The following SOHLH1 variants were observed in gnomAD, a reference collection of about 807,000 sequenced individuals.
SOHLH1 encodes the protein spermatogenesis and oogenesis specific basic helix-loop-helix 1, also known as spermatogenesis- and oogenesis-specific basic helix-loop-helix-containing protein 1.
In SOHLH1, 23 loss-of-function variants were observed where a neutral mutation model predicts 36.2. The ratio of observed to expected loss-of-function variants is 0.64; its 90% CI spans 0.46 to 0.90. The LOEUF is 0.90. Ranked by LOEUF, SOHLH1 falls within the 40% of genes least tolerant of loss-of-function variation. SOHLH1 has a pLI of 0.00. For missense variants in SOHLH1, 608 were observed against 517.0 expected (o/e 1.18, Z -1.71); for synonymous variants, 289 against 228.3 (o/e 1.27, Z -2.40).
intron 2 of SOHLH1, among the ~76,000 whole-genome samples, 168 bp downstream of exon 2, chr9:135,698,827 C>T (rs575054025): frequency 1.3e-5 from 2 of 152,330 alleles, no homozygotes; most frequent in East Asian, 3.9e-4. Flanking sequence ...CAGGATGTTC[C>T]CCAACAGGGC....
At chr9:135,694,279 C>T (rs948139452) in intron 7 of SOHLH1, 108 bp downstream of exon 7, 4 of 1,579,030 alleles carry the variant, frequency 2.5e-6, no homozygotes, top group Non-Finnish European at 1.7e-6. Flanking sequence ...GGGGCTCAGA[C>T]ACAGACCCTG....
upstream of SOHLH1, chr9:135,699,630 C>T (rs1834965175): frequency 1.3e-6 from 1 of 754,966 alleles, no homozygotes; most frequent in African/African-American, 1.7e-5. Context: ...CCTCCCCACG[C>T]AGCCAGCCCG....
At chr9:135,699,622 T>G, upstream of SOHLH1, 2 of 724,020 alleles carry the variant, frequency 2.8e-6, no homozygotes, top group Non-Finnish European at 4.4e-6. Flanking sequence ...GCTCTAGCCC[T>G]CCCCACGCAG....
In SOHLH1 at chr9:135,697,526, C is replaced by G. The variant is rs753399176; in HGVS notation, c.447G>C (p.Thr149=). 1 of 1,611,828 alleles carries G rather than the reference C, an allele frequency of 6.2e-7. No individual in the cohort carries two copies. Among genetic ancestry groups the G allele is most frequent in the Admixed American group, 1.7e-5 (1 of 59,996 alleles). The change falls in exon 4 of 8, where the codon ACG becomes ACC. Residue 149 remains threonine (T), a synonymous_variant. Transcript: ENST00000425225. ...QIQAGVPDPG[T]GASSGTRTPD... ...CTAACCGAGTCCCGCTGGACGCTCC[C>G]GTCCCAGGGTCTGGCACACCTGCTT...
upstream of SOHLH1, among the ~76,000 whole-genome samples, chr9:135,701,746 A>C (rs1291350881): frequency 6.6e-6 from 1 of 152,096 alleles, no homozygotes; most frequent in African/African-American, 2.4e-5. Context: ...AGTCGTCTTG[A>C]ATCTGGCTTG....
At chr9:135,702,045 A>T, upstream of SOHLH1, 1 of 469,866 alleles carries the variant, frequency 2.1e-6, no homozygotes, top group Non-Finnish European at 3.7e-6. Flanking sequence ...CCTACCCCGC[A>T]CCCCCGTCCC....
chr9:135,695,284 G>A lies in SOHLH1; in HGVS notation c.662-21C>T, dbSNP rs369207483. 1,212 of 1,573,870 alleles carry A rather than the reference G, an allele frequency of 7.7e-4. 14 individuals are homozygous for A. In the South Asian group the frequency reaches 0.013, roughly 16 times the overall value. On this transcript the variant is annotated intron_variant, in intron 5 of 7. Transcript: ENST00000425225. ...AGGTTCTGGGAGAGAAGTCAGATGC[G>A]GGTCAGCCTTCCCTGCCCAGCCCCA...
Position 135,698,310 on chromosome 9 carries a change from G to A in SOHLH1, c.345+19C>T, listed in dbSNP as rs781035798. On this transcript the variant is annotated intron_variant, in intron 3 of 7. Coordinates refer to ENST00000425225, the MANE Select transcript of SOHLH1 (RefSeq NM_001101677.2). ...ACCGTGATGCCGGAGGACTGACGGC[G>A]TCTACCCTTACAACTCACAGCGTGC... 2.4e-5 allele frequency: 39 copies of A among 1,612,876 alleles called. No homozygotes were observed. Among genetic ancestry groups the A allele is most frequent in the South Asian group, 1.1e-4 (10 of 91,076 alleles).
intron 3 of SOHLH1, 46 bp from the exon 4 acceptor site, chr9:135,697,673 T>A (rs1031273582): frequency 2.3e-5 from 36 of 1,591,292 alleles, no homozygotes; most frequent in Non-Finnish European, 3.0e-5. Flanking sequence ...GACAGTCAGC[T>A]GAGAAACCCA....
chr9:135,698,874 C>T, intron 2 of SOHLH1, 121 bp downstream of exon 2: 1 of 1,420,644 alleles, frequency 7.0e-7, no homozygotes, highest in African/African-American at 1.4e-5. Flanking sequence ...GTCTGTCCTT[C>T]TCCTGGGCAC....
chr9:135,693,429 G>A lies in SOHLH1; in HGVS notation c.*168C>T, dbSNP rs533701087. 2.0e-6 allele frequency: 2 copies of A among 992,126 alleles called. No homozygotes were observed. Among genetic ancestry groups the A allele is most frequent in the Non-Finnish European group, 2.8e-6 (2 of 702,718 alleles). The allele number at this position is 992,126 out of a possible 1,614,324, so 61.5% of individuals were successfully genotyped here. The stretch of plus-strand genomic sequence containing the variant: ...AGGTTTTGCTTCCTCCAGGAAAACT[G>A]CTTTCCCTCTTTAATATTCACTATC... On this transcript the variant is annotated 3_prime_UTR_variant, in exon 8 of 8. Coordinates refer to ENST00000425225, the MANE Select transcript of SOHLH1 (RefSeq NM_001101677.2).
In SOHLH1 at chr9:135,694,441, C is replaced by G. The variant is rs1834710702; in HGVS notation, c.892G>C (p.Asp298His). ...AQEAGSALGSDVDDGTSFLLT... is the reference protein window; with the variant it reads ...AQEAGSALGSHVDDGTSFLLT... ...AGGAAGGACGTCCCATCGTCCACAT[C>G]AGACCCCAACGCAGACCTGGAAGCG... Residue 298 changes from aspartate (D) to histidine (H), a missense_variant, in exon 7 of 8, where the codon GAT (aspartate) becomes CAT (histidine). Transcript: ENST00000425225. 1.5e-5 allele frequency: 25 copies of G among 1,613,156 alleles called. No homozygotes were observed. The highest frequency in any genetic ancestry group is 2.0e-5 in the Non-Finnish European group (24 of 1,180,004).
Position 135,694,446 on chromosome 9 carries a change from C to A in SOHLH1, c.887G>T (p.Gly296Val). The A allele has an allele frequency of 6.2e-7, 1 of 1,613,158 alleles. No homozygotes were observed. Among genetic ancestry groups the A allele is most frequent in the Non-Finnish European group, 8.5e-7 (1 of 1,180,004 alleles). Residue 296 changes from glycine (G) to valine (V), a missense_variant, in exon 7 of 8, where the codon GGG (glycine) becomes GTG (valine). Physicochemically the swap from Gly to Val is moderately radical, Grantham distance 109. Transcript: ENST00000425225. ...GGACGTCCCATCGTCCACATCAGAC[C>A]CCAACGCAGACCTGGAAGCGACAAG... is the stretch of plus-strand genomic sequence containing the variant. ...MLAQEAGSAL[G>V]SDVDDGTSFL...
rs200098209 is a variant in SOHLH1, at chr9:135,696,583, G to A, written c.661+29C>T. ...GCCTGGCGCCGCTCCCCAGGCCAAAGGCACCCCACATGCACACCCAGGACT... is the reference window on the plus strand; with the variant it reads ...GCCTGGCGCCGCTCCCCAGGCCAAAAGCACCCCACATGCACACCCAGGACT... On this transcript the variant is annotated intron_variant, in intron 5 of 7. Coordinates refer to ENST00000425225, the MANE Select transcript of SOHLH1 (RefSeq NM_001101677.2). 1.7e-4 allele frequency: 272 copies of A among 1,610,296 alleles called. 1 individual carries two copies. The African/African-American group carries it at 3.4e-3, about 20-fold the overall frequency.
At position 135,693,644 on chromosome 9, in the gene SOHLH1, G is replaced by C. The variant is rs978199322; in HGVS notation, c.1117C>G (p.Leu373Val). 1.9e-6 allele frequency: 3 copies of C among 1,587,492 alleles called. No homozygotes were observed. The highest frequency in any genetic ancestry group is 3.5e-5 in the Admixed American group (2 of 56,688). Residue 373 changes from leucine (L) to valine (V), a missense_variant, in exon 8 of 8, where the codon CTG becomes GTG. Transcript: ENST00000425225. ...AAGATGCTCTCCACCTCGTCCTTCA[G>C]GGCCAGGCCTGCACAGTCCACATCC... ...GLDVDCAGLALKDEVESIFPD... is the reference protein window; with the variant it reads ...GLDVDCAGLAVKDEVESIFPD...
At chr9:135,697,906 G>T (rs1309186913) in intron 3 of SOHLH1, among the ~76,000 whole-genome samples, 1 of 152,060 alleles carries the variant, frequency 6.6e-6, no homozygotes, top group East Asian at 1.9e-4. Context: ...TCCCCACACA[G>T]GTCCTCAGCC....
upstream of SOHLH1, among the ~76,000 whole-genome samples, chr9:135,701,556 T>G (rs1588238082): frequency 1.3e-5 from 2 of 152,332 alleles, no homozygotes; most frequent in Admixed American, 6.5e-5. Context: ...TCCTAGTCTT[T>G]GGCCTGCAGC....
At chr9:135,695,603 C>T (rs1233848821) in intron 5 of SOHLH1, among the ~76,000 whole-genome samples, 1 of 152,136 alleles carries the variant, frequency 6.6e-6, no homozygotes, top group African/African-American at 2.4e-5. Flanking sequence ...CTGCTCGCTC[C>T]CCACGTGCCT....
At chr9:135,700,859 C>CTGGCGATCTG (rs1470142056), upstream of SOHLH1, among the ~76,000 whole-genome samples, 1 of 152,062 alleles carries the variant, frequency 6.6e-6, no homozygotes, top group African/African-American at 2.4e-5. Context: ...GATGGACGGG[C>CTGGCGATCTG]TGGCGATCTG....
Sources: allele counts gnomAD v4.1 joint callset (sites outside exome capture counted in the v4.1 genomes callset), GRCh38; gene constraint gnomAD v4.1.1; transcripts MANE v1.5; gene names NCBI Gene and HGNC (gene_info 2026-07-23, HGNC 2026-07-21).